Variants in KLK3 observed in about 807,000 individuals in gnomAD.
The protein encoded by KLK3 is kallikrein related peptidase 3.
Under a neutral mutation model 27.7 loss-of-function variants are expected in KLK3, and 23 were observed. The observed-to-expected ratio is 0.83, with a 90% CI of 0.60 to 1.17. The LOEUF (loss-of-function observed/expected upper bound fraction) is 1.17, where lower values mean the gene tolerates loss of function less well. Ranked by LOEUF, KLK3 falls within the 50% of genes most tolerant of loss-of-function variation. KLK3 has a pLI of 0.00. For missense variants in KLK3, 322 were observed against 338.1 expected (o/e 0.95, Z 0.37); for synonymous variants, 142 against 134.2 (o/e 1.06, Z -0.40).
chr19:50,858,691 C>T (rs1388689552), intron 4 of KLK3, 96 bp downstream of exon 4: 7 of 1,406,738 alleles, frequency 5.0e-6, no homozygotes, highest in African/African-American at 4.2e-5. Flanking sequence ...GTCTGCCTCC[C>T]CTGCTCCCCA....
intron 4 of KLK3, among the ~76,000 whole-genome samples, chr19:50,859,315 A>T (rs1446081784): frequency 7.3e-6 from 1 of 136,060 alleles, no homozygotes; most frequent in Non-Finnish European, 1.6e-5. Flanking sequence ...CAGAAGCAGG[A>T]CAGGGCCTGG....
chr19:50,859,797 C>T, intron 4 of KLK3, 175 bp from the exon 5 acceptor site: 5 of 1,468,238 alleles, frequency 3.4e-6, no homozygotes, highest in Non-Finnish European at 4.5e-6. Flanking sequence ...GCCCCTACCC[C>T]TCTGTTGGAA....
chr19:50,859,137 G>A (rs1039237340), intron 4 of KLK3, among the ~76,000 whole-genome samples: 11 of 152,102 alleles, frequency 7.2e-5, no homozygotes, highest in African/African-American at 2.7e-4. Context: ...AGGCCTGGGA[G>A]GAGGGGCCTA....
Position 50,858,330 on chromosome 19 carries a change from G to A in KLK3, c.493+15G>A. 1 of 1,609,042 alleles carries A rather than the reference G, an allele frequency of 6.2e-7. No individual in the cohort carries two copies. Among genetic ancestry groups the A allele is most frequent in the South Asian group, 1.1e-5 (1 of 90,472 alleles). ...ACCAGAGGAGTGTACGCCTGGGCCA[G>A]ATGGTGCAGCCGGGAGCCCAGATGC... On this transcript the variant is annotated intron_variant, in intron 3 of 4. Transcript: ENST00000326003.
rs1402450333 is a variant in KLK3 at position 50,858,277 on chromosome 19, G to A, written c.455G>A (p.Cys152Tyr). 7 of 1,614,092 alleles carry A rather than the reference G, an allele frequency of 4.3e-6. No individual in the cohort carries two copies. In the East Asian group the frequency reaches 1.3e-4, roughly 31 times the overall value. The change falls in exon 3 of 5, where the codon TGC (cysteine) becomes TAC (tyrosine). Residue 152 changes from cysteine to tyrosine, a missense_variant. Coordinates refer to ENST00000326003, the MANE Select transcript of KLK3 (RefSeq NM_001648.2). The stretch of plus-strand genomic sequence containing the variant: ...CAGGAGCCAGCACTGGGGACCACCT[G>A]CTACGCCTCAGGCTGGGGCAGCATT... ...PTQEPALGTT[C>Y]YASGWGSIEP...
intron 2 of KLK3, 39 bp downstream of exon 2, chr19:50,856,438 G>C (rs771543743): frequency 1.2e-5 from 20 of 1,600,202 alleles, no homozygotes; most frequent in Middle Eastern, 3.4e-4. Context: ...AGGTGTCTGT[G>C]TCCCAGAGGA....
intron 1 of KLK3, chr19:50,855,273 G>C (rs1317613407): frequency 3.6e-5 from 19 of 528,754 alleles, no homozygotes. Flanking sequence ...TTTACTAAAG[G>C]GGAAGTTCCT....
Position 50,856,294 on chromosome 19 carries a change from A to G in KLK3, c.101A>G (p.His34Arg). ...RIVGGWECEK[H>R]SQPWQVLVAS... ...GTGGGAGGCTGGGAGTGCGAGAAGCATTCCCAACCCTGGCAGGTGCTTGTG... is the reference window on the plus strand; with the variant it reads ...GTGGGAGGCTGGGAGTGCGAGAAGCGTTCCCAACCCTGGCAGGTGCTTGTG... The change falls in exon 2 of 5, where the codon CAT becomes CGT. Residue 34 changes from histidine to arginine, a missense_variant. Physicochemically the swap from His to Arg is conservative, Grantham distance 29. Coordinates refer to ENST00000326003, the MANE Select transcript of KLK3 (RefSeq NM_001648.2). 1 of 1,613,356 alleles carries G rather than the reference A, an allele frequency of 6.2e-7. No individual in the cohort carries two copies. The highest frequency in any genetic ancestry group is 8.5e-7 in the Non-Finnish European group (1 of 1,180,006).
intron 4 of KLK3, 183 bp downstream of exon 4, chr19:50,858,778 T>C (rs2090166171): frequency 4.5e-6 from 3 of 664,508 alleles, no homozygotes; most frequent in Non-Finnish European, 7.7e-6. Flanking sequence ...AGGCAATAGG[T>C]TATTCTTACA....
chr19:50,856,192 G>C, intron 1 of KLK3, 48 bp from the exon 2 acceptor site: 2 of 1,551,802 alleles, frequency 1.3e-6, no homozygotes, highest in South Asian at 1.2e-5. Flanking sequence ...GAGTCCCCCA[G>C]TTCCTCCTGT....
At chr19:50,859,501 C>A in intron 4 of KLK3, 2 of 1,578,332 alleles carry the variant, frequency 1.3e-6, no homozygotes, top group South Asian at 1.1e-5. Context: ...CAGTCTCTCC[C>A]CTCCACTCCA....
chr19:50,857,868 C>A, intron 2 of KLK3, 161 bp from the exon 3 acceptor site: 1 of 677,688 alleles, frequency 1.5e-6, no homozygotes, highest in Non-Finnish European at 2.4e-6. Context: ...TGCTGTTTCC[C>A]AACTCGTTGT....
chr19:50,858,298 G>C lies in KLK3; in HGVS notation c.476G>C (p.Ser159Thr), dbSNP rs781775024. The part of the protein sequence containing the change: ...GTTCYASGWG[S>T]IEPEEFLTPK... ...ACCTGCTACGCCTCAGGCTGGGGCA[G>C]CATTGAACCAGAGGAGTGTACGCCT... The change falls in exon 3 of 5, where the codon AGC becomes ACC. Residue 159 changes from serine to threonine, a missense_variant. Transcript: ENST00000326003. 1 of 1,613,492 alleles carries C rather than the reference G, an allele frequency of 6.2e-7. No homozygotes were observed. The highest frequency in any genetic ancestry group is 1.3e-5 in the African/African-American group (1 of 74,924).
intron 4 of KLK3, among the ~76,000 whole-genome samples, chr19:50,859,345 C>T (rs1339465398): frequency 7.4e-6 from 1 of 134,300 alleles, no homozygotes; most frequent in East Asian, 2.0e-4. Context: ...CCAGAGGCTG[C>T]CGCTGGCCTC....
At chr19:50,858,358 G>C (rs925997091) in intron 3 of KLK3, 43 bp downstream of exon 3, 1 of 1,603,664 alleles carries the variant, frequency 6.2e-7, no homozygotes, top group Non-Finnish European at 8.5e-7. Context: ...CCAGATGCCT[G>C]GGTCTGAGGG....
chr19:50,859,776 C>A (rs1489539895), intron 4 of KLK3, 196 bp from the exon 5 acceptor site: 4 of 1,472,308 alleles, frequency 2.7e-6, no homozygotes, highest in Non-Finnish European at 3.6e-6. Context: ...TCCCCACCGG[C>A]CAGGACTGGA....
chr19:50,857,923 TCTCA>T, intron 2 of KLK3, 102 bp from the exon 3 acceptor site: 1 of 1,247,810 alleles, frequency 8.0e-7, no homozygotes, highest in Non-Finnish European at 1.1e-6. Context: ...CCTGTGTTTT[TCTCA>T]CTGTTTCTTT....
At chr19:50,857,161 T>A (rs376594258) in intron 2 of KLK3, among the ~76,000 whole-genome samples, 9 of 23,510 alleles carry the variant, frequency 3.8e-4, no homozygotes, top group East Asian at 2.6e-3. Flanking sequence ...AGACTCCGCC[T>A]CAAAAAAAAA....
At chr19:50,858,436 C>T (rs764836806) in intron 3 of KLK3, 23 bp from the exon 4 acceptor site, 2 of 1,613,992 alleles carry the variant, frequency 1.2e-6, no homozygotes, top group South Asian at 2.2e-5. Flanking sequence ...CAGCCCACAA[C>T]AGTGTTTTTG....
Sources: gnomAD v4.1 joint callset for allele counts (sites outside exome capture counted in the v4.1 genomes callset) on GRCh38, gnomAD v4.1.1 for gene constraint, MANE v1.5 for transcripts, NCBI Gene and HGNC (gene_info 2026-07-23, HGNC 2026-07-21) for gene names.